MAPKAP1: variants seen among roughly 807,000 people sequenced by gnomAD.
The protein encoded by MAPKAP1 is target of rapamycin complex 2 subunit MAPKAP1.
Under a neutral mutation model 65.7 loss-of-function variants are expected in MAPKAP1, and 20 were observed. That is an observed-to-expected ratio of 0.30 (90% CI 0.21 to 0.44). The LOEUF (loss-of-function observed/expected upper bound fraction) is 0.44. MAPKAP1 is among the 20% of genes least tolerant of loss of function. MAPKAP1 has a pLI of 1.00. For missense variants in MAPKAP1, 423 were observed against 648.0 expected (o/e 0.65, Z 3.77); for synonymous variants, 222 against 244.3 (o/e 0.91, Z 0.85).
Position 125,452,495 on chromosome 9 carries a change from T to A in MAPKAP1, c.1346-7897A>T, listed in dbSNP as rs534154879. On this transcript the variant is annotated intron_variant, in intron 10 of 11. Coordinates refer to ENST00000265960, the MANE Select transcript of MAPKAP1 (RefSeq NM_001006617.3). ...TCCTCAGAATAAAGTCCAAGCTTCA[T>A]AAGATGATTTTCAAGACCCCAGATC... is the stretch of plus-strand genomic sequence containing the variant. 3.3e-5 allele frequency among the ~76,000 whole-genome samples: 5 copies of A among 152,304 alleles called. 1 individual carries two copies. The South Asian group carries it at 1.0e-3, about 32-fold the overall frequency.
intron 4 of MAPKAP1, among the ~76,000 whole-genome samples, chr9:125,597,214 G>A (rs141708214): frequency 0.021 from 2,828 of 137,908 alleles, 152 homozygotes; most frequent in East Asian, 0.17. Context: ...GCAATGAGCC[G>A]AGATCGTGCC....
At chr9:125,440,701 G>T (rs1272374547) in intron 11 of MAPKAP1, among the ~76,000 whole-genome samples, 1 of 152,214 alleles carries the variant, frequency 6.6e-6, no homozygotes. Flanking sequence ...TGGTGCGTGA[G>T]TACAGAAGGC....
chr9:125,535,715 A>C (rs1269021893), intron 7 of MAPKAP1, among the ~76,000 whole-genome samples: 9 of 152,202 alleles, frequency 5.9e-5, no homozygotes, highest in Non-Finnish European at 1.3e-4. Context: ...ACATTTATAA[A>C]ATCAGGATGC....
chr9:125,520,592 C>T (rs931917423), intron 7 of MAPKAP1, among the ~76,000 whole-genome samples: 5 of 152,320 alleles, frequency 3.3e-5, no homozygotes, highest in African/African-American at 1.2e-4. Flanking sequence ...CTTCGTGCAA[C>T]CCACACTACA....
chr9:125,590,834 C>A (rs1831937626), intron 4 of MAPKAP1, among the ~76,000 whole-genome samples: 1 of 151,684 alleles, frequency 6.6e-6, no homozygotes, highest in Admixed American at 6.6e-5. Context: ...AGTGCAGTGG[C>A]ACAATCTCAG....
chr9:125,463,726 T>C (rs1014017297), intron 10 of MAPKAP1, among the ~76,000 whole-genome samples: 12 of 152,238 alleles, frequency 7.9e-5, no homozygotes, highest in Non-Finnish European at 2.9e-5. Context: ...CTTTGAATTA[T>C]ACTATTGCAA....
Position 125,669,871 on chromosome 9 carries a change from T to C in MAPKAP1, c.296A>G (p.Asn99Ser). The C allele has an allele frequency of 6.3e-7, 1 of 1,599,970 alleles. No individual in the cohort carries two copies. Among genetic ancestry groups the C allele is most frequent in the Non-Finnish European group, 8.5e-7 (1 of 1,171,532 alleles). Residue 99 changes from asparagine (N) to serine (S), a missense_variant, in exon 3 of 12, where the codon AAC (asparagine) becomes AGC (serine). Physicochemically the swap from Asn to Ser is conservative, Grantham distance 46 (BLOSUM62 1). Coordinates refer to ENST00000265960, the MANE Select transcript of MAPKAP1 (RefSeq NM_001006617.3). Reference protein sequence around the residue: ...RLERLRKERQNQIKCKNIQWK... With the variant: ...RLERLRKERQSQIKCKNIQWK... ...CTGAATATTTTTGCATTTGATCTGG[T>C]TTTGTCTCTCTTTTCGGAGTCGTTC...
intron 7 of MAPKAP1, among the ~76,000 whole-genome samples, chr9:125,515,305 G>A (rs1183052425): frequency 6.6e-6 from 1 of 152,132 alleles, no homozygotes; most frequent in Non-Finnish European, 1.5e-5. Flanking sequence ...TTGAAAGCAT[G>A]ACCCATCAGT....
chr9:125,687,767 G>C (rs979223390), intron 1 of MAPKAP1, among the ~76,000 whole-genome samples: 2 of 152,210 alleles, frequency 1.3e-5, no homozygotes, highest in Non-Finnish European at 2.9e-5. Flanking sequence ...CTGGGCAACA[G>C]AGTGAGACCC....
chr9:125,564,354 C>T (rs1423052732), intron 5 of MAPKAP1, among the ~76,000 whole-genome samples: 1 of 152,218 alleles, frequency 6.6e-6, no homozygotes, highest in Non-Finnish European at 1.5e-5. Flanking sequence ...TTTACACATA[C>T]ATTTAAGTCA....
At chr9:125,505,515 C>T (rs185899839) in intron 8 of MAPKAP1, among the ~76,000 whole-genome samples, 31 of 152,200 alleles carry the variant, frequency 2.0e-4, no homozygotes, top group African/African-American at 4.3e-4. Flanking sequence ...GAAACACACG[C>T]GACGGAGAAA....
intron 1 of MAPKAP1, among the ~76,000 whole-genome samples, chr9:125,692,903 G>A (rs925142388): frequency 1.3e-5 from 2 of 152,152 alleles, no homozygotes; most frequent in Non-Finnish European, 2.9e-5. Context: ...TGGGGAAAAA[G>A]AGAACTGTCA....
At chr9:125,552,388 C>G (rs911599139) in intron 6 of MAPKAP1, among the ~76,000 whole-genome samples, 1 of 152,160 alleles carries the variant, frequency 6.6e-6, no homozygotes, top group Non-Finnish European at 1.5e-5. Context: ...GTTCCCTCCA[C>G]AGAATAATTT....
intron 9 of MAPKAP1, among the ~76,000 whole-genome samples, chr9:125,477,183 A>G (rs528834193): frequency 1.3e-5 from 2 of 152,290 alleles, no homozygotes; most frequent in African/African-American, 4.8e-5. Flanking sequence ...ATACAGAATT[A>G]TTTTATTAGG....
At chr9:125,649,813 A>AAAAAAAAAG (rs1421144814) in intron 4 of MAPKAP1, among the ~76,000 whole-genome samples, 2 of 151,844 alleles carry the variant, frequency 1.3e-5, no homozygotes, top group Admixed American at 6.6e-5. Flanking sequence ...AAAAAAAAAA[A>AAAAAAAAAG]AAAAGAAAAG....
intron 4 of MAPKAP1, among the ~76,000 whole-genome samples, chr9:125,618,753 T>G (rs998916144): frequency 2.0e-5 from 3 of 152,212 alleles, no homozygotes. Context: ...TTAATATAGA[T>G]TCTCATAAGC....
chr9:125,698,662 T>A (rs1835506019), intron 1 of MAPKAP1, among the ~76,000 whole-genome samples: 1 of 151,998 alleles, frequency 6.6e-6, no homozygotes, highest in African/African-American at 2.4e-5. Context: ...ATATTTTTAT[T>A]AATAATTACA....
rs908980219 is a variant in MAPKAP1, at chr9:125,583,818, CTT to C, written c.671+1735_671+1736del. 7.9e-5 allele frequency among the ~76,000 whole-genome samples: 12 copies of C among 152,220 alleles called. No individual in the cohort carries two copies. In the South Asian group the frequency reaches 1.2e-3, roughly 16 times the overall value. On this transcript the variant is annotated intron_variant, in intron 5 of 11. Transcript: ENST00000265960. Reference sequence around the variant, plus strand: ...GTGGCTCACGCCTGTAATCCCAACACTTTGAGAGGCCGAGGCGGGTGGATCAC... The same window carrying C: ...GTGGCTCACGCCTGTAATCCCAACACTGAGAGGCCGAGGCGGGTGGATCAC...
At chr9:125,629,117 G>T (rs1833199440) in intron 4 of MAPKAP1, among the ~76,000 whole-genome samples, 1 of 151,302 alleles carries the variant, frequency 6.6e-6, no homozygotes, top group Non-Finnish European at 1.5e-5. Context: ...TGTTGCAAAG[G>T]ATGTGGAAAA....
Sources: allele counts gnomAD v4.1 joint callset (sites outside exome capture counted in the v4.1 genomes callset), GRCh38; gene constraint gnomAD v4.1.1; transcripts MANE v1.5; gene names NCBI Gene and HGNC (gene_info 2026-07-23, HGNC 2026-07-21).